C7orf57: variants seen among roughly 807,000 people sequenced by gnomAD.
C7orf57 encodes the protein chromosome 7 open reading frame 57.
A neutral mutation model predicts 39.0 loss-of-function variants in C7orf57; 33 were observed. That is an observed-to-expected ratio of 0.85 (90% CI 0.64 to 1.13). The LOEUF (loss-of-function observed/expected upper bound fraction) is 1.13. C7orf57 is among the 50% of genes most tolerant of loss of function. The pLI, the probability that C7orf57 is intolerant of heterozygous loss-of-function variation, is 0.00. For synonymous variants in C7orf57, 124 were observed against 137.1 expected, an observed-to-expected ratio of 0.90 and a Z score of 0.67; for missense variants, 346 against 362.3, an observed-to-expected ratio of 0.95 and a Z score of 0.37.
At chr7:48,040,049 C>T (rs1217826786) in intron 2 of C7orf57, among the ~76,000 whole-genome samples, 1 of 152,150 alleles carries the variant, frequency 6.6e-6, no homozygotes, top group African/African-American at 2.4e-5. Context: ...GATCTCTTCT[C>T]TCTGTGGGGG....
At chr7:48,036,988 A>G (rs1183744376) in intron 2 of C7orf57, among the ~76,000 whole-genome samples, 1 of 151,804 alleles carries the variant, frequency 6.6e-6, no homozygotes. Flanking sequence ...GTAGGAGGGT[A>G]GAGAAGAGGG....
intron 4 of C7orf57, among the ~76,000 whole-genome samples, chr7:48,044,130 T>C (rs975686454): frequency 1.3e-5 from 2 of 152,168 alleles, no homozygotes; most frequent in African/African-American, 4.8e-5. Context: ...GGCGAGCCTC[T>C]AGCCCGATGG....
At chr7:48,051,749 C>T (rs1258268359) in intron 6 of C7orf57, among the ~76,000 whole-genome samples, 1 of 36,164 alleles carries the variant, frequency 2.8e-5, no homozygotes, top group Non-Finnish European at 6.0e-5. Flanking sequence ...CTTTCTTTTT[C>T]TTTTCTTTCT....
intron 8 of C7orf57, among the ~76,000 whole-genome samples, chr7:48,059,924 TTAA>T (rs562002641): frequency 6.6e-6 from 1 of 152,314 alleles, no homozygotes; most frequent in East Asian, 1.9e-4. Flanking sequence ...TACTATTTAT[TTAA>T]TAATTCTTAT....
chr7:48,052,689 C>G lies in C7orf57; in HGVS notation c.606-11C>G. The G allele has an allele frequency of 6.2e-7, 1 of 1,610,558 alleles. No individual in the cohort carries two copies. The highest frequency in any genetic ancestry group is 8.5e-7 in the Non-Finnish European group (1 of 1,176,986). On this transcript the variant is annotated splice_polypyrimidine_tract_variant and intron_variant, in intron 6 of 8. Transcript: ENST00000348904. ...GTACTTAAGTTTCACATTACTTTTACTCTTTTTAAGGCCTGGTCAAAAAAA... is the reference window on the plus strand; with the variant it reads ...GTACTTAAGTTTCACATTACTTTTAGTCTTTTTAAGGCCTGGTCAAAAAAA...
intron 2 of C7orf57, among the ~76,000 whole-genome samples, chr7:48,037,421 C>G (rs1198515707): frequency 6.6e-6 from 1 of 152,208 alleles, no homozygotes; most frequent in African/African-American, 2.4e-5. Flanking sequence ...AGGTCACACA[C>G]TTCGTAAGTG....
chr7:48,041,559 G>T, intron 3 of C7orf57, 40 bp downstream of exon 3: 3 of 1,463,558 alleles, frequency 2.0e-6, no homozygotes, highest in South Asian at 1.4e-5. Context: ...GCAGCCTCGC[G>T]GGCGGTGAGG....
intron 2 of C7orf57, among the ~76,000 whole-genome samples, chr7:48,040,848 A>T (rs1023584251): frequency 1.3e-5 from 2 of 152,304 alleles, no homozygotes; most frequent in Admixed American, 6.5e-5. Context: ...CAGAACTTAG[A>T]TTTCAGTATT....
At chr7:48,043,140 C>T (rs1790599972) in intron 3 of C7orf57, among the ~76,000 whole-genome samples, 2 of 152,172 alleles carry the variant, frequency 1.3e-5, no homozygotes, top group Admixed American at 6.5e-5. Flanking sequence ...TGTGCAGCCC[C>T]TGGAGACCTG....
intron 3 of C7orf57, among the ~76,000 whole-genome samples, chr7:48,042,580 A>G (rs1790581969): frequency 6.6e-6 from 1 of 152,110 alleles, no homozygotes; most frequent in Admixed American, 6.5e-5. Context: ...CAAATGTGGT[A>G]GAATATTGTT....
chr7:48,059,693 GATT>G (rs1329977522), intron 8 of C7orf57, among the ~76,000 whole-genome samples: 1 of 152,132 alleles, frequency 6.6e-6, no homozygotes. Flanking sequence ...TGAGACACAA[GATT>G]ATTATTATTT....
chr7:48,060,413 C>T lies in C7orf57; in HGVS notation c.*141C>T. The stretch of plus-strand genomic sequence containing the variant: ...ATAATTTACCTTGCAGCAGATTTGA[C>T]ATTGCTGCATAGAAGGGGCAGGTGT... On this transcript the variant is annotated 3_prime_UTR_variant, in exon 9 of 9. Transcript: ENST00000348904. 2 of 540,912 alleles carry T rather than the reference C, an allele frequency of 3.7e-6. No homozygotes were observed. Among genetic ancestry groups the T allele is most frequent in the African/African-American group, 3.9e-5 (2 of 51,678 alleles). The allele number at this position is 540,912 out of a possible 1,614,324, so 33.5% of individuals were successfully genotyped here. A position where few individuals can be genotyped will look rare whatever the true frequency, so the allele number is the denominator to read the frequency against.
intron 7 of C7orf57, 29 bp from the exon 8 acceptor site, chr7:48,054,566 C>G (rs1371607509): frequency 4.6e-6 from 7 of 1,536,562 alleles, no homozygotes; most frequent in Non-Finnish European, 6.2e-6. Flanking sequence ...TTTCATTAAC[C>G]TGAACAACGA....
chr7:48,041,307 G>A (rs1327238503), intron 2 of C7orf57, 27 bp from the exon 3 acceptor site: 1 of 1,590,266 alleles, frequency 6.3e-7, no homozygotes, highest in East Asian at 2.3e-5. Flanking sequence ...CAGCAACAGT[G>A]TGGCCCTCCG....
intron 8 of C7orf57, among the ~76,000 whole-genome samples, chr7:48,055,982 C>T (rs1024304023): frequency 2.0e-5 from 3 of 152,080 alleles, no homozygotes; most frequent in Non-Finnish European, 4.4e-5. Context: ...GATATATGCC[C>T]AGCAGTGGGA....
chr7:48,039,507 G>T (rs538877365), intron 2 of C7orf57, among the ~76,000 whole-genome samples: 2 of 151,594 alleles, frequency 1.3e-5, no homozygotes, highest in Admixed American at 6.6e-5. Context: ...GCTGGCGGGT[G>T]GTGGGGGGCT....
In C7orf57 at chr7:48,052,871, T is replaced by C. The variant is rs10236656; in HGVS notation, c.777T>C (p.Asp259=). Residue 259 remains aspartate, a synonymous_variant, in exon 7 of 9, where the codon GAT becomes GAC. Transcript: ENST00000348904. The part of the protein sequence containing the change: ...QSPRDLEGPQ[D]AARLQDAEAS... ...CACGAGACCTGGAAGGTCCCCAGGA[T>C]GCAGCCAGGCTCCAGGATGCAGAGG... 1 of 1,613,956 alleles carries C rather than the reference T, an allele frequency of 6.2e-7. No individual in the cohort carries two copies.
chr7:48,038,383 TATAGATAGATAG>T (rs67831054), intron 2 of C7orf57, among the ~76,000 whole-genome samples: 15 of 150,242 alleles, frequency 1.0e-4, no homozygotes, highest in African/African-American at 1.5e-4. Flanking sequence ...TCTATATACA[TATAGATAGATAG>T]ATAGATAGAT....
intron 3 of C7orf57, 189 bp downstream of exon 3, chr7:48,041,708 C>T: frequency 2.5e-6 from 1 of 402,346 alleles, no homozygotes; most frequent in Non-Finnish European, 4.3e-6. Context: ...TTTTATGATG[C>T]TAGAATAAAT....
Sources: gnomAD v4.1 joint callset for allele counts (sites outside exome capture counted in the v4.1 genomes callset) on GRCh38, gnomAD v4.1.1 for gene constraint, MANE v1.5 for transcripts, NCBI Gene and HGNC (gene_info 2026-07-23, HGNC 2026-07-21) for gene names.